The following AIG1 variants were observed in gnomAD, a reference collection of about 807,000 sequenced individuals.
AIG1 encodes androgen induced 1.
A neutral mutation model predicts 31.4 loss-of-function variants in AIG1; 23 were observed. The observed-to-expected ratio is 0.73, with a 90% CI of 0.53 to 1.04. The LOEUF is 1.04. Ranked by LOEUF, AIG1 falls within the 50% of genes least tolerant of loss-of-function variation. The pLI, the probability that AIG1 is intolerant of heterozygous loss-of-function variation, is 0.00. For missense variants in AIG1, 274 were observed against 295.0 expected (o/e 0.93, Z 0.52); for synonymous variants, 100 against 110.5 (o/e 0.90, Z 0.60).
At chr6:143,320,178 A>C (rs577611896) in intron 4 of AIG1, among the ~76,000 whole-genome samples, 29 of 152,304 alleles carry the variant, frequency 1.9e-4, no homozygotes, top group African/African-American at 6.7e-4. Flanking sequence ...ATATCACCTC[A>C]CACCAGTTAA....
In AIG1 at chr6:143,338,869, CA is replaced by C. The variant is rs1455770741; in HGVS notation, c.680-764del. The C allele has an allele frequency of 6.6e-6, 1 of 151,890 alleles. No individual in the cohort carries two copies. The highest frequency in any genetic ancestry group is 1.5e-5 in the Non-Finnish European group (1 of 67,970). 9.4% of individuals were successfully genotyped at this position (151,890 alleles called of 1,614,324 possible). The stretch of plus-strand genomic sequence containing the variant: ...AAGAAACTGAGAATTTGGTATGATT[CA>C]AAAAATGTTTAGGTACAAGAAAAAG... On this transcript the variant is annotated intron_variant, in intron 5 of 5. Coordinates refer to ENST00000357847, the MANE Select transcript of AIG1 (RefSeq NM_016108.4). The surrounding 1 kb of genome is among the most constrained non-coding windows in gnomAD (Gnocchi z 4.3).
intron 3 of AIG1, among the ~76,000 whole-genome samples, chr6:143,177,718 G>A (rs1210405697): frequency 1.3e-5 from 2 of 152,178 alleles, no homozygotes; most frequent in South Asian, 2.1e-4. Flanking sequence ...GTCTACCACT[G>A]GAGTGGGCAG....
At chr6:143,093,387 T>A (rs1255058623) in intron 1 of AIG1, among the ~76,000 whole-genome samples, 1 of 152,208 alleles carries the variant, frequency 6.6e-6, no homozygotes, top group Non-Finnish European at 1.5e-5. Flanking sequence ...TCAGCCCTCA[T>A]AGAATTGAAG....
chr6:143,155,631 G>A (rs190749653), intron 2 of AIG1, among the ~76,000 whole-genome samples: 2 of 152,268 alleles, frequency 1.3e-5, no homozygotes, highest in East Asian at 1.9e-4. Context: ...GAAAACAAGT[G>A]CACCATGATG....
chr6:143,074,086 G>A (rs1012131583), intron 1 of AIG1, among the ~76,000 whole-genome samples: 61 of 152,222 alleles, frequency 4.0e-4, no homozygotes, highest in African/African-American at 1.4e-3. Flanking sequence ...TTTTAATTGG[G>A]TCATTTGTTT....
chr6:143,102,226 G>A (rs1280711992), intron 1 of AIG1, among the ~76,000 whole-genome samples: 1 of 151,590 alleles, frequency 6.6e-6, no homozygotes. Context: ...ACACAATCTT[G>A]TGGATATGTG....
intron 2 of AIG1, among the ~76,000 whole-genome samples, chr6:143,143,157 A>G (rs1321183409): frequency 6.6e-6 from 1 of 152,134 alleles, no homozygotes; most frequent in Non-Finnish European, 1.5e-5. Context: ...GAGATTATAA[A>G]TAAAAGCAAA....
chr6:143,294,175 T>C (rs1798262197), intron 4 of AIG1, among the ~76,000 whole-genome samples: 2 of 152,180 alleles, frequency 1.3e-5, no homozygotes, highest in Non-Finnish European at 2.9e-5. Flanking sequence ...GCCCATCACT[T>C]CATTCTCCTG....
chr6:143,343,260 C>G, downstream of AIG1: 2 of 651,340 alleles, frequency 3.1e-6, no homozygotes, highest in Non-Finnish European at 5.9e-6. Context: ...TGGGGGAGCT[C>G]TCTTTGGAAT....
chr6:143,239,682 G>C (rs891553439), intron 3 of AIG1, among the ~76,000 whole-genome samples: 1 of 152,148 alleles, frequency 6.6e-6, no homozygotes, highest in Admixed American at 6.5e-5. Context: ...ATTGCATCTT[G>C]GTCTTTCCTG....
chr6:143,151,044 A>G (rs970672181), intron 2 of AIG1, among the ~76,000 whole-genome samples: 14 of 152,230 alleles, frequency 9.2e-5, no homozygotes, highest in Admixed American at 3.9e-4. Context: ...ACTCGTGGAC[A>G]GTATATGTCT....
chr6:143,133,004 A>G (rs1191985306), intron 1 of AIG1, among the ~76,000 whole-genome samples: 1 of 151,960 alleles, frequency 6.6e-6, no homozygotes, highest in African/African-American at 2.4e-5. Context: ...CTTGTCTACC[A>G]ATTCCAATAT....
intron 3 of AIG1, among the ~76,000 whole-genome samples, chr6:143,170,600 T>G (rs916566860): frequency 3.5e-5 from 5 of 142,310 alleles, no homozygotes; most frequent in African/African-American, 7.8e-5. Flanking sequence ...TTTTTTTTTT[T>G]GTTGATCTTT....
At chr6:143,127,209 A>G (rs528351740) in intron 1 of AIG1, among the ~76,000 whole-genome samples, 2 of 152,268 alleles carry the variant, frequency 1.3e-5, no homozygotes, top group South Asian at 2.1e-4. Flanking sequence ...TTATCCTCAT[A>G]TGGGGACTCT....
Position 143,060,975 on chromosome 6 carries a change from A to G in AIG1, c.50A>G (p.Tyr17Cys), listed in dbSNP as rs1033098324. 6 of 1,612,634 alleles carry G rather than the reference A, an allele frequency of 3.7e-6. No homozygotes were observed. The highest frequency in any genetic ancestry group is 3.3e-5 in the South Asian group (3 of 91,024). The change falls in exon 1 of 6, where the codon TAC becomes TGC. Residue 17 changes from tyrosine to cysteine, a missense_variant. Around this residue, in one of 2 missense-constraint regions of AIG1, gnomAD observed 243 missense variants for 238.5 expected, o/e 1.02. Coordinates refer to ENST00000357847, the MANE Select transcript of AIG1 (RefSeq NM_016108.4). ...CTGCGGATGGCAATCCTGCTGTCTT[A>G]CTGCTCTATCCTGTGTAACTACAAG... Reference protein sequence around the residue: ...QVLRMAILLSYCSILCNYKAI... With the variant: ...QVLRMAILLSCCSILCNYKAI...
chr6:143,132,729 T>C (rs1783360120), intron 1 of AIG1, among the ~76,000 whole-genome samples: 3 of 152,004 alleles, frequency 2.0e-5, no homozygotes, highest in Admixed American at 1.3e-4. Flanking sequence ...TTCACTTAGA[T>C]TGTTAATATT....
Position 143,218,713 on chromosome 6 carries a change from G to T in AIG1, c.399+53530G>T, listed in dbSNP as rs777562377. On this transcript the variant is annotated intron_variant, in intron 3 of 5. Coordinates refer to ENST00000357847, the MANE Select transcript of AIG1 (RefSeq NM_016108.4). ...AAATGGGCGTCACAGCACAAAGGAA[G>T]CCCTTGGCAAAAAGGTAAAAATGAA... 1.5e-4 allele frequency among the ~76,000 whole-genome samples: 23 copies of T among 152,224 alleles called. No homozygotes were observed. In the South Asian group the frequency reaches 2.9e-3, roughly 19 times the overall value.
chr6:143,118,011 C>A (rs1260625947), intron 1 of AIG1, among the ~76,000 whole-genome samples: 1 of 152,114 alleles, frequency 6.6e-6, no homozygotes, highest in Non-Finnish European at 1.5e-5. Flanking sequence ...CAGTTCTGTG[C>A]AGGATGCTTC....
intron 3 of AIG1, among the ~76,000 whole-genome samples, chr6:143,240,335 A>G (rs1794151933): frequency 6.6e-6 from 1 of 152,250 alleles, no homozygotes; most frequent in Non-Finnish European, 1.5e-5. Context: ...CTTGAGTTTC[A>G]GAACAACCCT....
Sources: allele counts gnomAD v4.1 joint callset (sites outside exome capture counted in the v4.1 genomes callset), GRCh38; gene constraint gnomAD v4.1.1; regional missense constraint gnomAD v4.1.1; non-coding constraint Gnocchi (gnomAD v3.1); transcripts MANE v1.5; gene names NCBI Gene and HGNC (gene_info 2026-07-23, HGNC 2026-07-21).